SH2D4B: variants seen among roughly 807,000 people sequenced by gnomAD.
The protein encoded by SH2D4B is SH2 domain-containing protein 4B.
A neutral mutation model predicts 61.5 loss-of-function variants in SH2D4B; 45 were observed. The ratio of observed to expected loss-of-function variants is 0.73; its 90% CI spans 0.58 to 0.94. The LOEUF (loss-of-function observed/expected upper bound fraction) is 0.94, where lower values mean the gene tolerates loss of function less well. Among genes scored for constraint, SH2D4B ranks in the 40% least tolerant of loss-of-function variants. The pLI is 0.00. For synonymous variants in SH2D4B, 224 were observed against 220.4 expected (o/e 1.02, Z -0.14); for missense variants, 572 against 574.2 (o/e 1.00, Z 0.04).
Position 80,538,363 on chromosome 10 carries a change from T to A in SH2D4B, c.32T>A (p.Ile11Asn), listed in dbSNP as rs562296166. The A allele has an allele frequency of 4.3e-6, 6 of 1,393,462 alleles. No individual in the cohort carries two copies. In the Admixed American group the frequency reaches 2.0e-4, roughly 47 times the overall value. The allele number at this position is 1,393,462 out of a possible 1,614,324, so 86.3% of individuals were successfully genotyped here. MLQQILHDMY[I>N]DPELLAELSD... The stretch of plus-strand genomic sequence containing the variant: ...CAGCAGATCCTGCACGACATGTACA[T>A]CGACCCCGAGCTCCTTGCCGAGCTC... The change falls in exon 1 of 8, where the codon ATC becomes AAC. Residue 11 changes from isoleucine to asparagine, a missense_variant. Physicochemically the swap from Ile to Asn is moderately radical, Grantham distance 149 (BLOSUM62 -3). Transcript: ENST00000646907. The surrounding 1 kb of genome is among the most constrained non-coding windows in gnomAD (Gnocchi z 4.8).
intron 4 of SH2D4B, among the ~76,000 whole-genome samples, chr10:80,593,985 TA>T (rs1842360250): frequency 6.6e-6 from 1 of 152,056 alleles, no homozygotes; most frequent in African/African-American, 2.4e-5. Context: ...AATTTATATA[TA>T]TATATTTTTA....
chr10:80,603,486 C>T, intron 4 of SH2D4B, 93 bp from the exon 5 acceptor site: 1 of 1,239,412 alleles, frequency 8.1e-7, no homozygotes, highest in Non-Finnish European at 1.1e-6. Context: ...ATTGCAATTA[C>T]TTTTGCACCA....
chr10:80,583,586 C>G (rs1842209262), intron 3 of SH2D4B, among the ~76,000 whole-genome samples: 3 of 152,036 alleles, frequency 2.0e-5, no homozygotes, highest in African/African-American at 7.3e-5. Context: ...ATGAAAATTG[C>G]TTGAACCTGG....
intron 5 of SH2D4B, chr10:80,607,182 G>A (rs1402515037): frequency 6.6e-6 from 1 of 152,218 alleles, no homozygotes; most frequent in East Asian, 1.9e-4. Context: ...AGGGACAAGA[G>A]TGAGTGAATT....
At chr10:80,572,176 G>C (rs751894501) in intron 3 of SH2D4B, among the ~76,000 whole-genome samples, 1 of 152,168 alleles carries the variant, frequency 6.6e-6, no homozygotes, top group African/African-American at 2.4e-5. Flanking sequence ...CTCAGAATCA[G>C]AACCGGGGCC....
At chr10:80,583,872 G>A (rs1210191935) in intron 3 of SH2D4B, among the ~76,000 whole-genome samples, 2 of 152,128 alleles carry the variant, frequency 1.3e-5, no homozygotes, top group Non-Finnish European at 2.9e-5. Context: ...GTACCCCCAA[G>A]TGGCCAACAC....
intron 6 of SH2D4B, among the ~76,000 whole-genome samples, chr10:80,612,198 T>TTTTTTTTTCC (rs59848195): frequency 2.4e-5 from 3 of 125,230 alleles, no homozygotes; most frequent in African/African-American, 6.4e-5. Context: ...TTTTTTTTTT[T>TTTTTTTTTCC]CAACTTTACT....
intron 5 of SH2D4B, among the ~76,000 whole-genome samples, chr10:80,606,167 A>G (rs1374095158): frequency 6.6e-6 from 1 of 152,012 alleles, no homozygotes; most frequent in African/African-American, 2.4e-5. Flanking sequence ...TGTTTGTGCT[A>G]AGAGCAGATG....
At chr10:80,622,262 T>C (rs1241101770) in intron 6 of SH2D4B, among the ~76,000 whole-genome samples, 1 of 152,242 alleles carries the variant, frequency 6.6e-6, no homozygotes. Context: ...CATGTATCTG[T>C]TGAAAGGGTT....
At position 80,618,653 on chromosome 10, in the gene SH2D4B, C is replaced by G. The variant is rs960286692; in HGVS notation, c.988+9102C>G. ...AGTCACAAAAATGAATGAGAAATAG[C>G]TAAGTGGTAATGGAGGTGTTGTCAG... On this transcript the variant is annotated intron_variant, in intron 6 of 7. Transcript: ENST00000646907. Among the ~76,000 whole-genome samples the G allele has an allele frequency of 1.4e-4, 22 of 152,174 alleles. 1 individual carries two copies. Among genetic ancestry groups the G allele is most frequent in the Non-Finnish European group, 3.1e-4 (21 of 68,016 alleles).
chr10:80,559,828 G>A (rs529739020), intron 1 of SH2D4B, among the ~76,000 whole-genome samples: 2 of 151,570 alleles, frequency 1.3e-5, no homozygotes, highest in South Asian at 4.2e-4. Context: ...TGCAGAAATA[G>A]GGTTTCACTG....
At chr10:80,625,666 G>A (rs1421774234) in intron 6 of SH2D4B, among the ~76,000 whole-genome samples, 4 of 150,520 alleles carry the variant, frequency 2.7e-5, no homozygotes, top group Admixed American at 1.3e-4. Context: ...TCTACCTCCC[G>A]GGTTCAAGCG....
chr10:80,571,799 A>G (rs1162791620), intron 3 of SH2D4B, among the ~76,000 whole-genome samples: 7 of 124,784 alleles, frequency 5.6e-5, no homozygotes, highest in Admixed American at 2.8e-4. Context: ...TTTGAGACGG[A>G]GTCTTGCTCG....
intron 3 of SH2D4B, among the ~76,000 whole-genome samples, chr10:80,586,295 G>A (rs12767460): frequency 0.24 from 35,872 of 152,104 alleles, 5,096 homozygotes; most frequent in African/African-American, 0.38. Flanking sequence ...CTCCACCTGC[G>A]GCCCTGGTGC....
chr10:80,549,665 C>A (rs1841731614), intron 1 of SH2D4B, among the ~76,000 whole-genome samples: 1 of 152,262 alleles, frequency 6.6e-6, no homozygotes, highest in Admixed American at 6.5e-5. Context: ...TTGCAGCCTG[C>A]CACCTTGCTC....
intron 1 of SH2D4B, among the ~76,000 whole-genome samples, chr10:80,563,789 GATGCATT>G (rs1253225008): frequency 6.6e-6 from 1 of 152,136 alleles, no homozygotes; most frequent in Non-Finnish European, 1.5e-5. Context: ...TGTCCTAAAG[GATGCATT>G]ATATGTGCTG....
intron 3 of SH2D4B, among the ~76,000 whole-genome samples, chr10:80,583,362 G>A (rs1049247217): frequency 1.3e-5 from 2 of 152,052 alleles, no homozygotes; most frequent in African/African-American, 2.4e-5. Context: ...CAACCAGGAA[G>A]TAGAAGAAAA....
intron 4 of SH2D4B, among the ~76,000 whole-genome samples, chr10:80,596,349 T>C (rs980707605): frequency 1.3e-5 from 2 of 152,208 alleles, no homozygotes; most frequent in African/African-American, 4.8e-5. Flanking sequence ...CCCTGAGAGT[T>C]CACAAAGCCT....
At chr10:80,586,104 C>T (rs1298766530) in intron 3 of SH2D4B, among the ~76,000 whole-genome samples, 1 of 152,194 alleles carries the variant, frequency 6.6e-6, no homozygotes, top group Non-Finnish European at 1.5e-5. Flanking sequence ...GCCTTAGCTG[C>T]CTCCCCGTGG....
Sources: allele counts gnomAD v4.1 joint callset (sites outside exome capture counted in the v4.1 genomes callset), GRCh38; gene constraint gnomAD v4.1.1; non-coding constraint Gnocchi (gnomAD v3.1); transcripts MANE v1.5; gene names NCBI Gene and HGNC (gene_info 2026-07-23, HGNC 2026-07-21).